The following ARID1B variants were observed in gnomAD, a reference collection of about 807,000 sequenced individuals.
The protein encoded by ARID1B is AT-rich interactive domain-containing protein 1B.
Under a neutral mutation model 212.3 loss-of-function variants are expected in ARID1B, and 30 were observed. The observed-to-expected ratio is 0.14, with a 90% confidence interval of 0.11 to 0.19. The LOEUF (loss-of-function observed/expected upper bound fraction) is 0.19, where lower values mean the gene tolerates loss of function less well. Among genes scored for constraint, ARID1B ranks in the 10% least tolerant of loss-of-function variants. The pLI is 1.00. For missense variants in ARID1B, 2,891 were observed against 3,204.0 expected, an observed-to-expected ratio of 0.90 and a Z score of 2.36; for synonymous variants, 1,402 against 1,301.7, an observed-to-expected ratio of 1.08 and a Z score of -1.66.
chr6:156,815,560 G>C (rs1237407811), intron 1 of ARID1B, among the ~76,000 whole-genome samples: 2 of 152,154 alleles, frequency 1.3e-5, no homozygotes, highest in African/African-American at 4.8e-5. Flanking sequence ...TATGACAGCA[G>C]GGTAATGACA....
intron 5 of ARID1B, among the ~76,000 whole-genome samples, chr6:157,108,238 G>GCCAC (rs1394927462): frequency 6.6e-6 from 1 of 152,192 alleles, no homozygotes; most frequent in African/African-American, 2.4e-5. Flanking sequence ...TTAGAATTGT[G>GCCAC]CCACACAACC....
intron 3 of ARID1B, among the ~76,000 whole-genome samples, chr6:156,907,758 A>AG (rs71268478): frequency 2.0e-5 from 3 of 151,012 alleles, no homozygotes; most frequent in Admixed American, 6.7e-5. Flanking sequence ...AAAAAAAAAA[A>AG]TTAGCCAGGC....
intron 4 of ARID1B, among the ~76,000 whole-genome samples, chr6:157,047,493 T>C (rs2128546337): frequency 6.6e-6 from 1 of 152,228 alleles, no homozygotes; most frequent in Admixed American, 6.5e-5. Flanking sequence ...ATCGCGGCTG[T>C]CCCAAGATCT....
intron 4 of ARID1B, among the ~76,000 whole-genome samples, chr6:156,992,619 A>G (rs1778336319): frequency 6.6e-6 from 1 of 152,240 alleles, no homozygotes. Flanking sequence ...GGAGGTATTC[A>G]GAACGGCCTC....
chr6:157,026,754 A>T (rs1380756573), intron 4 of ARID1B, among the ~76,000 whole-genome samples: 1 of 152,134 alleles, frequency 6.6e-6, no homozygotes, highest in Non-Finnish European at 1.5e-5. Context: ...GAGCTCGAGC[A>T]ATTGTCCTAC....
At chr6:157,024,471 G>A (rs949292849) in intron 4 of ARID1B, 1 of 151,188 alleles carries the variant, frequency 6.6e-6, no homozygotes, top group Non-Finnish European at 1.5e-5. Context: ...CAAAAATCTA[G>A]CTTTTCGGGG....
Position 156,934,950 on chromosome 6 carries a change from AT to A in ARID1B, c.2137-515del, listed in dbSNP as rs1562494859. Among the ~76,000 whole-genome samples, 568 of 89,274 alleles carry A rather than the reference AT, an allele frequency of 6.4e-3. 18 individuals carry two copies. The highest frequency in any genetic ancestry group is 0.038 in the East Asian group (135 of 3,510). The allele number at this position is 89,274 out of a possible 152,430, so 58.6% of individuals were successfully genotyped here. On this transcript the variant is annotated intron_variant, in intron 3 of 19. Coordinates refer to ENST00000636930, the MANE Select transcript of ARID1B (RefSeq NM_001374828.1). ...TATATATATATATATATATATATATATATATATATATAGTTTATATTTCTGC... is the reference window on the plus strand; with the variant it reads ...TATATATATATATATATATATATATAATATATATATAGTTTATATTTCTGC...
At chr6:156,946,544 C>T (rs1027537535) in intron 4 of ARID1B, among the ~76,000 whole-genome samples, 2 of 152,150 alleles carry the variant, frequency 1.3e-5, no homozygotes, top group Admixed American at 6.5e-5. Context: ...GGTTACTAAG[C>T]GCATTGTAAC....
At chr6:156,809,594 G>A (rs181329795) in intron 1 of ARID1B, among the ~76,000 whole-genome samples, 114 of 151,344 alleles carry the variant, frequency 7.5e-4, no homozygotes, top group African/African-American at 2.4e-3. Flanking sequence ...TGGTACTGCT[G>A]AATCAATTGC....
At chr6:157,127,860 G>A (rs1371148447) in intron 6 of ARID1B, among the ~76,000 whole-genome samples, 4 of 147,976 alleles carry the variant, frequency 2.7e-5, no homozygotes, top group Admixed American at 6.6e-5. Flanking sequence ...TATTCAGGAG[G>A]CTGAGGCAGA....
At chr6:156,948,119 A>G (rs1035701897) in intron 4 of ARID1B, among the ~76,000 whole-genome samples, 4 of 152,304 alleles carry the variant, frequency 2.6e-5, no homozygotes, top group Non-Finnish European at 5.9e-5. Flanking sequence ...TAAAAAAACT[A>G]TTTTGCTAAT....
intron 1 of ARID1B, among the ~76,000 whole-genome samples, chr6:156,817,783 CTG>C (rs1302922131): frequency 2.0e-5 from 3 of 152,144 alleles, no homozygotes; most frequent in Non-Finnish European, 4.4e-5. Context: ...ATTATTCTGT[CTG>C]TTCATCTATC....
In ARID1B at chr6:156,778,958, CGCGGCGGCGGCGGCAGCA is replaced by C; in HGVS notation, c.1281_1298del (p.Ala428_Ala433del). ...GAGCGGGAGCTGTGGCGGCGGCGGCCGCGGCGGCGGCGGCAGCAGCAGGAGGCGGCGGCGGCGGCGGCT... is the reference window on the plus strand; with the variant it reads ...GAGCGGGAGCTGTGGCGGCGGCGGCCGCAGGAGGCGGCGGCGGCGGCGGCT... On this transcript the variant is annotated inframe_deletion, in exon 1 of 20. Transcript: ENST00000636930. The C allele has an allele frequency of 1.6e-6, 2 of 1,272,686 alleles. No individual in the cohort carries two copies. The highest frequency in any genetic ancestry group is 2.0e-6 in the Non-Finnish European group (2 of 1,018,246). 78.8% of individuals were successfully genotyped at this position (1,272,686 alleles called of 1,614,324 possible).
At chr6:156,946,545 G>C (rs541883834) in intron 4 of ARID1B, among the ~76,000 whole-genome samples, 2 of 152,222 alleles carry the variant, frequency 1.3e-5, no homozygotes, top group Admixed American at 1.3e-4. Flanking sequence ...GTTACTAAGC[G>C]CATTGTAACG....
At chr6:157,083,448 T>TG (rs958999099) in intron 4 of ARID1B, among the ~76,000 whole-genome samples, 8 of 152,114 alleles carry the variant, frequency 5.3e-5, no homozygotes, top group African/African-American at 1.4e-4. Flanking sequence ...ATGGGAGCCA[T>TG]GGGGGGCACA....
At chr6:156,962,308 TATA>T (rs1389154624) in intron 4 of ARID1B, among the ~76,000 whole-genome samples, 15 of 152,218 alleles carry the variant, frequency 9.9e-5, no homozygotes, top group Admixed American at 5.2e-4. Flanking sequence ...CAAAAAAAAC[TATA>T]GAAAGGTAAA....
intron 4 of ARID1B, chr6:156,942,721 A>T (rs1293204579): frequency 1.3e-5 from 2 of 151,906 alleles, no homozygotes; most frequent in Non-Finnish European, 2.9e-5. Flanking sequence ...GTTGGGCTAG[A>T]TGCCACCATC....
At chr6:157,065,410 T>G (rs191292802) in intron 4 of ARID1B, among the ~76,000 whole-genome samples, 55 of 152,358 alleles carry the variant, frequency 3.6e-4, no homozygotes, top group African/African-American at 1.0e-3. Flanking sequence ...ATGATGATAT[T>G]GTGGTTTATA....
intron 2 of ARID1B, among the ~76,000 whole-genome samples, chr6:156,876,133 A>G (rs1280793152): frequency 6.6e-6 from 1 of 152,238 alleles, no homozygotes; most frequent in Non-Finnish European, 1.5e-5. Flanking sequence ...CGTGGTACCT[A>G]CCAGGCACTG....
Sources: allele counts gnomAD v4.1 joint callset (sites outside exome capture counted in the v4.1 genomes callset), GRCh38; gene constraint gnomAD v4.1.1; transcripts MANE v1.5; gene names NCBI Gene and HGNC (gene_info 2026-07-23, HGNC 2026-07-21).